Variants in ARID2 observed in about 807,000 individuals in gnomAD.
ARID2 encodes AT-rich interaction domain 2.
A neutral mutation model predicts 184.6 loss-of-function variants in ARID2; 32 were observed. The ratio of observed to expected loss-of-function variants is 0.17; its 90% CI spans 0.13 to 0.23. ARID2 has a LOEUF of 0.23. Among genes scored for constraint, ARID2 ranks in the 10% least tolerant of loss-of-function variants. ARID2 has a pLI of 1.00. For missense variants in ARID2, 1,696 were observed against 2,197.6 expected, an observed-to-expected ratio of 0.77 and a Z score of 4.56; for synonymous variants, 836 against 772.6, an observed-to-expected ratio of 1.08 and a Z score of -1.36.
rs371957106 is a variant in ARID2, at chr12:45,740,799, G to C, written c.284+9485G>C. 2.3e-3 allele frequency among the ~76,000 whole-genome samples: 344 copies of C among 152,126 alleles called. 12 individuals carry two copies. In the South Asian group the frequency reaches 0.068, roughly 30 times the overall value. ...TCAGCCTTTTTGTGTCTTTTGTGAT[G>C]TTACATTTTGAACTATACAGGCCAA... is the stretch of plus-strand genomic sequence containing the variant. On this transcript the variant is annotated intron_variant, in intron 3 of 20. Transcript: ENST00000334344.
chr12:45,868,140 A>G (rs1376279766), intron 16 of ARID2, among the ~76,000 whole-genome samples: 2 of 151,984 alleles, frequency 1.3e-5, no homozygotes, highest in Non-Finnish European at 2.9e-5. Context: ...TTCTCTGTAC[A>G]TTAAGGATGT....
chr12:45,780,384 T>C (rs187379865), intron 3 of ARID2, among the ~76,000 whole-genome samples: 4 of 152,276 alleles, frequency 2.6e-5, no homozygotes, highest in Admixed American at 2.0e-4. Context: ...TGCACTGTTT[T>C]TGTTTTCTGT....
At chr12:45,899,798 A>G (rs1390964362) in intron 20 of ARID2, among the ~76,000 whole-genome samples, 2 of 146,800 alleles carry the variant, frequency 1.4e-5, no homozygotes, top group African/African-American at 5.0e-5. Flanking sequence ...CCCACCTCCA[A>G]GGGGGGAGCC....
chr12:45,749,270 G>C (rs1312824872), intron 3 of ARID2, among the ~76,000 whole-genome samples: 1 of 152,206 alleles, frequency 6.6e-6, no homozygotes, highest in East Asian at 1.9e-4. Context: ...CCTCTTGGGT[G>C]ACCATTGTCA....
At chr12:45,761,354 T>C (rs1033940838) in intron 3 of ARID2, among the ~76,000 whole-genome samples, 9 of 152,254 alleles carry the variant, frequency 5.9e-5, no homozygotes. Context: ...TCTGGATATA[T>C]TTCTTTTTTG....
chr12:45,837,224 T>C lies in ARID2; in HGVS notation c.1024-97T>C, dbSNP rs576503353. Reference sequence around the variant, plus strand: ...TTTACAATAACATTTTTTAACGTTATGCAACATTGTCCTGTTTATTTTTTA... The same window carrying C: ...TTTACAATAACATTTTTTAACGTTACGCAACATTGTCCTGTTTATTTTTTA... On this transcript the variant is annotated intron_variant, in intron 8 of 20. Transcript: ENST00000334344. 2.8e-4 allele frequency: 337 copies of C among 1,197,132 alleles called. 1 individual carries two copies. The highest frequency in any genetic ancestry group is 3.7e-4 in the Non-Finnish European group (317 of 856,840). 74.2% of individuals were successfully genotyped at this position (1,197,132 alleles called of 1,614,324 possible).
chr12:45,882,919 C>T (rs1288513332), intron 16 of ARID2, among the ~76,000 whole-genome samples: 1 of 152,142 alleles, frequency 6.6e-6, no homozygotes, highest in African/African-American at 2.4e-5. Flanking sequence ...TGAAGTTTAC[C>T]TAGCTTGATT....
At chr12:45,834,495 C>A (rs1425206735) in intron 6 of ARID2, among the ~76,000 whole-genome samples, 1 of 152,168 alleles carries the variant, frequency 6.6e-6, no homozygotes, top group Non-Finnish European at 1.5e-5. Flanking sequence ...GTAATCCCAG[C>A]ACTTTGGGAG....
At chr12:45,759,800 G>C (rs1754610147) in intron 3 of ARID2, among the ~76,000 whole-genome samples, 1 of 152,096 alleles carries the variant, frequency 6.6e-6, no homozygotes, top group African/African-American at 2.4e-5. Context: ...GTGCTCAAGT[G>C]ATTCTCCCAT....
chr12:45,830,898 A>G (rs1943107210), intron 6 of ARID2, among the ~76,000 whole-genome samples: 1 of 152,162 alleles, frequency 6.6e-6, no homozygotes, highest in Admixed American at 6.5e-5. Context: ...TCTACTAAAA[A>G]TACAAAAAAA....
intron 3 of ARID2, among the ~76,000 whole-genome samples, chr12:45,772,153 A>G (rs1418365929): frequency 6.6e-6 from 1 of 152,242 alleles, no homozygotes; most frequent in African/African-American, 2.4e-5. Context: ...GGAAATATTG[A>G]TGTAATGCAA....
chr12:45,857,969 A>G (rs529764170), intron 15 of ARID2, among the ~76,000 whole-genome samples: 2 of 152,342 alleles, frequency 1.3e-5, no homozygotes, highest in East Asian at 1.9e-4. Context: ...CATGTTGCCC[A>G]GGCTGATCTC....
intron 16 of ARID2, among the ~76,000 whole-genome samples, chr12:45,865,937 T>A (rs1336843368): frequency 6.6e-6 from 1 of 152,172 alleles, no homozygotes; most frequent in Non-Finnish European, 1.5e-5. Flanking sequence ...ATTTTAAAAT[T>A]ATATTTCTAG....
At chr12:45,799,608 G>A (rs1942457007) in intron 3 of ARID2, among the ~76,000 whole-genome samples, 1 of 152,116 alleles carries the variant, frequency 6.6e-6, no homozygotes, top group South Asian at 2.1e-4. Flanking sequence ...ATAAACCTTT[G>A]TTGTTATAAA....
At chr12:45,870,526 T>C (rs1304507820) in intron 16 of ARID2, among the ~76,000 whole-genome samples, 1 of 152,212 alleles carries the variant, frequency 6.6e-6, no homozygotes, top group Non-Finnish European at 1.5e-5. Context: ...AAATGCGTAA[T>C]GTCATGTCTC....
intron 3 of ARID2, among the ~76,000 whole-genome samples, chr12:45,750,347 T>C (rs1291349418): frequency 1.3e-5 from 2 of 152,114 alleles, no homozygotes; most frequent in Non-Finnish European, 2.9e-5. Context: ...AAATAGAATA[T>C]TAGCATCAAA....
At chr12:45,745,551 A>T (rs1029128890) in intron 3 of ARID2, among the ~76,000 whole-genome samples, 1 of 152,078 alleles carries the variant, frequency 6.6e-6, no homozygotes, top group Non-Finnish European at 1.5e-5. Flanking sequence ...GCCTTTATTT[A>T]TTATTATTAT....
intron 3 of ARID2, among the ~76,000 whole-genome samples, chr12:45,764,211 C>A (rs1565587176): frequency 2.0e-5 from 3 of 151,972 alleles, no homozygotes; most frequent in African/African-American, 7.3e-5. Context: ...ATTTTCTACC[C>A]TTATCTTTTG....
chr12:45,740,749 A>C (rs995370891), intron 3 of ARID2, among the ~76,000 whole-genome samples: 3 of 152,136 alleles, frequency 2.0e-5, no homozygotes, highest in Non-Finnish European at 4.4e-5. Flanking sequence ...CTTGTATTGC[A>C]TGTAGTTATC....
Sources: allele counts gnomAD v4.1 joint callset (sites outside exome capture counted in the v4.1 genomes callset), GRCh38; gene constraint gnomAD v4.1.1; transcripts MANE v1.5; gene names NCBI Gene and HGNC (gene_info 2026-07-23, HGNC 2026-07-21).